ITGA6: variants seen among roughly 807,000 people sequenced by gnomAD.
The protein encoded by ITGA6 is integrin subunit alpha 6.
In ITGA6, 63 loss-of-function variants were observed where a neutral mutation model predicts 133.6. The ratio of observed to expected loss-of-function variants is 0.47; its 90% confidence interval spans 0.38 to 0.58. The LOEUF is 0.58. Ranked by LOEUF, ITGA6 falls within the 20% of genes least tolerant of loss-of-function variation. The probability of loss-of-function intolerance (pLI) is 0.00; values close to 1 mark genes in which losing one functional copy is unlikely to be tolerated. For synonymous variants in ITGA6, 434 were observed against 482.0 expected (o/e 0.90, Z 1.30); for missense variants, 1,068 against 1,309.4 (o/e 0.82, Z 2.85).
rs551025143 is a variant in ITGA6 at position 172,491,497 on chromosome 2, A to T, written c.2962A>T (p.Ile988Phe). ...TGATGTGACTGCTGCTGCCGAAAAT[A>T]TCAGGCTGCCAAATGCAGGCACTCA... ...FIDVTAAAEN[I>F]RLPNAGTQVR... Residue 988 changes from isoleucine to phenylalanine, a missense_variant, in exon 23 of 26, where the codon ATC becomes TTC. By Grantham distance (21) the Ile-to-Phe change is conservative (BLOSUM62 0). This residue lies in a region of ITGA6 where 609 missense variants were observed against 707.2 expected (regional missense o/e 0.86). Coordinates refer to ENST00000684293, the MANE Select transcript of ITGA6 (RefSeq NM_000210.4). This position sits in a 1 kb window ranked among gnomAD's most constrained non-coding sequence, Gnocchi z 4.4. 3 of 1,613,444 alleles carry T rather than the reference A, an allele frequency of 1.9e-6. No homozygotes were observed. The highest frequency in any genetic ancestry group is 2.2e-5 in the East Asian group (1 of 44,868).
rs745506887 is a variant in ITGA6, at chr2:172,474,242, G to A, written c.963G>A (p.Ala321=). Residue 321 remains alanine, a synonymous_variant, in exon 6 of 26, where the codon GCG becomes GCA. Coordinates refer to ENST00000684293, the MANE Select transcript of ITGA6 (RefSeq NM_000210.4). ...GLASSFGYDV[A]VVDLNKDGWQ... is the part of the protein sequence containing the mutation. ...CCTCTTCATTTGGCTATGATGTGGC[G>A]GTGGTGGACCTCAACAAGGATGGGT... 6 of 1,613,892 alleles carry A rather than the reference G, an allele frequency of 3.7e-6. No individual in the cohort carries two copies. The highest frequency in any genetic ancestry group is 3.3e-5 in the South Asian group (3 of 91,074).
At chr2:172,453,099 A>G (rs7594889) in intron 1 of ITGA6, among the ~76,000 whole-genome samples, 29,769 of 152,116 alleles carry the variant, frequency 0.2, 3,055 homozygotes, top group African/African-American at 0.22. Flanking sequence ...GTGGAGAGTG[A>G]AAGGTCGTGT....
At chr2:172,440,913 G>C (rs114986949) in intron 1 of ITGA6, among the ~76,000 whole-genome samples, 103 of 152,334 alleles carry the variant, frequency 6.8e-4, no homozygotes, top group Non-Finnish European at 1.2e-3. Context: ...GATTGAAGCT[G>C]AGGCTTGATT....
chr2:172,465,321 G>A (rs148714143), intron 1 of ITGA6: 133 of 614,440 alleles, frequency 2.2e-4, no homozygotes, highest in East Asian at 1.8e-3. Flanking sequence ...TCCTCGTTTT[G>A]GTATCCCCTC....
chr2:172,498,290 T>G (rs1435703320), intron 24 of ITGA6, among the ~76,000 whole-genome samples, 190 bp downstream of exon 24: 1 of 152,268 alleles, frequency 6.6e-6, no homozygotes, highest in Non-Finnish European at 1.5e-5. Context: ...ATATTTTGTA[T>G]TTAAAGTATA....
At chr2:172,469,476 C>CA in intron 4 of ITGA6, 96 bp downstream of exon 4, 1 of 1,118,846 alleles carries the variant, frequency 8.9e-7, no homozygotes, top group Non-Finnish European at 1.3e-6. Context: ...AGAAGACATT[C>CA]GTATATTATA....
chr2:172,454,645 CA>C lies in ITGA6; in HGVS notation c.183-10891del, dbSNP rs1343040497. On this transcript the variant is annotated intron_variant, in intron 1 of 25. Coordinates refer to ENST00000684293, the MANE Select transcript of ITGA6 (RefSeq NM_000210.4). Reference sequence around the variant, plus strand: ...GCTGTGGATGGCAGGATGCTATTCACAAAGAAGCCTATGTCCTGACCCTCCA... The same window carrying C: ...GCTGTGGATGGCAGGATGCTATTCACAAGAAGCCTATGTCCTGACCCTCCA... Among the ~76,000 whole-genome samples, 3 of 152,228 alleles carry C rather than the reference CA, an allele frequency of 2.0e-5. No homozygotes were observed. In the East Asian group the frequency reaches 5.8e-4, roughly 29 times the overall value.
chr2:172,485,039 TAATC>T lies in ITGA6; in HGVS notation c.1711-78_1711-75del, dbSNP rs916490454. ...TCTGAAATTTATTCTGGCAACCTCTTAATCAATACAAAATCATTGTTTTGGAATT... is the reference window on the plus strand; with the variant it reads ...TCTGAAATTTATTCTGGCAACCTCTTAATACAAAATCATTGTTTTGGAATT... On this transcript the variant is annotated intron_variant, in intron 12 of 25. Coordinates refer to ENST00000684293, the MANE Select transcript of ITGA6 (RefSeq NM_000210.4). The T allele has an allele frequency of 1.1e-5, 18 of 1,592,146 alleles. No individual in the cohort carries two copies. The African/African-American group carries it at 2.0e-4, about 18-fold the overall frequency.
chr2:172,500,395 T>C (rs973980314), intron 24 of ITGA6, among the ~76,000 whole-genome samples: 1 of 152,112 alleles, frequency 6.6e-6, no homozygotes. Flanking sequence ...TTACAGCACT[T>C]TGTGGCAGGT....
At chr2:172,445,651 T>TAAAA (rs530504236) in intron 1 of ITGA6, among the ~76,000 whole-genome samples, 9,858 of 145,512 alleles carry the variant, frequency 0.068, 1,041 homozygotes, top group East Asian at 0.52. Context: ...TCCGTCTTTT[T>TAAAA]TAAAAAAAAA....
chr2:172,466,352 G>C (rs375497977), intron 2 of ITGA6, among the ~76,000 whole-genome samples: 1 of 152,176 alleles, frequency 6.6e-6, no homozygotes, highest in African/African-American at 2.4e-5. Flanking sequence ...GGCGTCGGTG[G>C]CTCACACCTG....
intron 11 of ITGA6, 35 bp from the exon 12 acceptor site, chr2:172,484,747 T>C: frequency 6.3e-7 from 1 of 1,578,692 alleles, no homozygotes; most frequent in Non-Finnish European, 8.7e-7. Flanking sequence ...TGTGCATGAA[T>C]GCACTTACGT....
chr2:172,464,828 G>T (rs1416359789), intron 1 of ITGA6, among the ~76,000 whole-genome samples: 1 of 152,094 alleles, frequency 6.6e-6, no homozygotes, highest in Non-Finnish European at 1.5e-5. Flanking sequence ...ACGAACTCTT[G>T]TAATGTGACA....
intron 10 of ITGA6, 55 bp from the exon 11 acceptor site, chr2:172,479,935 T>G (rs1184605096): frequency 3.1e-6 from 4 of 1,277,704 alleles, no homozygotes; most frequent in Non-Finnish European, 4.6e-6. Flanking sequence ...ACATGTTGGG[T>G]TTTTTCCACT....
rs1686837860 is a variant in ITGA6, at chr2:172,489,627, C to T, written c.2648C>T (p.Pro883Leu). 2 of 1,613,804 alleles carry T rather than the reference C, an allele frequency of 1.2e-6. No homozygotes were observed. The highest frequency in any genetic ancestry group is 1.7e-6 in the Non-Finnish European group (2 of 1,179,886). ...SKGLEKVTCE[P>L]QKEINSLNLT... is the part of the protein sequence containing the mutation. ...GGATTGGAAAAGGTAACTTGTGAGC[C>T]ACAAAAGGAGATAAACTCCCTGAAC... The change falls in exon 20 of 26, where the codon CCA becomes CTA. Residue 883 changes from proline (P) to leucine (L), a missense_variant. Around this residue, in one of 3 missense-constraint regions of ITGA6, gnomAD observed 609 missense variants for 707.2 expected, o/e 0.86. Transcript: ENST00000684293.
intron 11 of ITGA6, among the ~76,000 whole-genome samples, chr2:172,480,594 G>T (rs1481763477): frequency 6.8e-6 from 1 of 146,434 alleles, no homozygotes; most frequent in Non-Finnish European, 1.5e-5. Flanking sequence ...CCTGGTCTCT[G>T]CTCCTGGTTT....
intron 1 of ITGA6, among the ~76,000 whole-genome samples, chr2:172,464,944 G>GA (rs66475010): frequency 0.079 from 11,733 of 147,756 alleles, 580 homozygotes; most frequent in Middle Eastern, 0.14. Flanking sequence ...AAACTGGAGG[G>GA]AAAAAAAAAA....
At chr2:172,488,334 A>G in intron 19 of ITGA6, 106 bp downstream of exon 19, 1 of 798,078 alleles carries the variant, frequency 1.3e-6, no homozygotes, top group Non-Finnish European at 2.2e-6. Context: ...TAAGCATTGT[A>G]AGTAAATCAT....
At position 172,491,774 on chromosome 2, in the gene ITGA6, T is replaced by C. The variant is rs942180631; in HGVS notation, c.2988+251T>C. Among the ~76,000 whole-genome samples, 4 of 152,190 alleles carry C rather than the reference T, an allele frequency of 2.6e-5. No individual in the cohort carries two copies. The highest frequency in any genetic ancestry group is 5.9e-5 in the Non-Finnish European group (4 of 68,038). On this transcript the variant is annotated intron_variant, in intron 23 of 25. Transcript: ENST00000684293. This position sits in a 1 kb window ranked among gnomAD's most constrained non-coding sequence, Gnocchi z 4.4. ...AGAACTACTGGCTCAATTCAGAGAATGGGTGCACCTCACAGCCCTCTAGAA... is the reference window on the plus strand; with the variant it reads ...AGAACTACTGGCTCAATTCAGAGAACGGGTGCACCTCACAGCCCTCTAGAA...
Sources: gnomAD v4.1 joint callset for allele counts (sites outside exome capture counted in the v4.1 genomes callset) on GRCh38, gnomAD v4.1.1 for gene constraint, gnomAD v4.1.1 regional missense constraint, Gnocchi (gnomAD v3.1) non-coding constraint, MANE v1.5 for transcripts, NCBI Gene and HGNC (gene_info 2026-07-23, HGNC 2026-07-21) for gene names.